Variants in SNX32 observed in about 807,000 individuals in gnomAD.
SNX32 encodes sorting nexin 32, also known as sorting nexin-32.
A neutral mutation model predicts 57.0 loss-of-function variants in SNX32; 58 were observed. The ratio of observed to expected loss-of-function variants is 1.02; its 90% CI spans 0.82 to 1.27. SNX32 has a LOEUF of 1.27. Among genes scored for constraint, SNX32 ranks in the 50% most tolerant of loss-of-function variants. The probability of loss-of-function intolerance (pLI) is 0.00; values close to 1 mark genes in which losing one functional copy is unlikely to be tolerated. For missense variants in SNX32, 589 were observed against 541.2 expected, an observed-to-expected ratio of 1.09 and a Z score of -0.88; for synonymous variants, 262 against 220.4, an observed-to-expected ratio of 1.19 and a Z score of -1.67.
chr11:65,853,265 CTG>C lies in SNX32; in HGVS notation c.1159-15_1159-14del. 1.9e-6 allele frequency: 3 copies of C among 1,614,036 alleles called. No homozygotes were observed. The highest frequency in any genetic ancestry group is 1.1e-5 in the South Asian group (1 of 91,088). On this transcript the variant is annotated splice_polypyrimidine_tract_variant and intron_variant, in intron 12 of 12. Coordinates refer to ENST00000308342, the MANE Select transcript of SNX32 (RefSeq NM_152760.3). ...TCAGGGAGCAGGGGACTTCAAGGAC[CTG>C]TTTCTCCTCTGCAGGCCAGCACCCT...
rs747669334 is a variant in SNX32 at position 65,849,974 on chromosome 11, G to T, written c.196G>T (p.Glu66Ter). Reference protein sequence around the residue: ...TEFSVVRQHEEFIWLHDAYVE... With the variant: ...TEFSVVRQHE The stretch of plus-strand genomic sequence containing the variant: ...GTTCTCAGTCGTGCGGCAGCACGAG[G>T]AGTTCATCTGGCTGCATGATGCCTA... The change falls in exon 3 of 13, where the codon GAG becomes TAG. Residue 66 changes from glutamate (E) to a stop codon, truncating the protein, a stop_gained. Coordinates refer to ENST00000308342, the MANE Select transcript of SNX32 (RefSeq NM_152760.3). LOFTEE classifies it high-confidence loss of function. The T allele has an allele frequency of 3.1e-6, 5 of 1,609,198 alleles. No homozygotes were observed. Among genetic ancestry groups the T allele is most frequent in the South Asian group, 1.1e-5 (1 of 90,816 alleles).
Position 65,834,028 on chromosome 11 carries a change from A to G in SNX32, c.-38A>G. 1 of 1,548,160 alleles carries G rather than the reference A, an allele frequency of 6.5e-7. No individual in the cohort carries two copies. The highest frequency in any genetic ancestry group is 8.7e-7 in the Non-Finnish European group (1 of 1,145,228). On this transcript the variant is annotated 5_prime_UTR_variant, in exon 1 of 13. Coordinates refer to ENST00000308342, the MANE Select transcript of SNX32 (RefSeq NM_152760.3). The stretch of plus-strand genomic sequence containing the variant: ...AGTTACGGGGACGACCTGCGGGAGC[A>G]CGCGGGCAGTGGCCGGACGCTGAAG...
Position 65,852,730 on chromosome 11 carries a change from A to G in SNX32, c.1013A>G (p.Glu338Gly). Residue 338 changes from glutamate (E) to glycine (G), a missense_variant, in exon 11 of 13, where the codon GAG becomes GGG. Physicochemically the swap from Glu to Gly is moderately conservative, Grantham distance 98. Transcript: ENST00000308342. ...RTRNREVRPA[E>G]SHQQLCCQRF... ...AGGAACCGGGAGGTGCGGCCCGCCG[A>G]GAGCCACCAGCAGCTGTGCTGCCAA... 1.2e-6 allele frequency: 2 copies of G among 1,605,910 alleles called. No individual in the cohort carries two copies. The highest frequency in any genetic ancestry group is 1.7e-6 in the Non-Finnish European group (2 of 1,178,552).
chr11:65,852,523 A>G lies in SNX32; in HGVS notation c.884A>G (p.Tyr295Cys). Residue 295 changes from tyrosine to cysteine, a missense_variant, in exon 10 of 13, where the codon TAC becomes TGC. Coordinates refer to ENST00000308342, the MANE Select transcript of SNX32 (RefSeq NM_152760.3). ...EDLKLSDMLR[Y>C]YMRDSQAAKD... ...CTGAAGCTGTCAGACATGCTGAGGT[A>G]CTACATGCGTGACTCACAGGCAGCC... The G allele has an allele frequency of 6.2e-7, 1 of 1,614,210 alleles. No homozygotes were observed. The highest frequency in any genetic ancestry group is 8.5e-7 in the Non-Finnish European group (1 of 1,180,030).
chr11:65,839,884 C>A (rs1004771108), intron 1 of SNX32, among the ~76,000 whole-genome samples: 2 of 151,972 alleles, frequency 1.3e-5, no homozygotes, highest in Admixed American at 6.6e-5. Flanking sequence ...AAAGGCCGGG[C>A]GCGGTGGCTC....
chr11:65,851,235 G>C lies in SNX32; in HGVS notation c.709+75G>C. 5.6e-6 allele frequency: 9 copies of C among 1,600,440 alleles called. No homozygotes were observed. The Admixed American group carries it at 6.7e-5, about 12-fold the overall frequency. ...GTTCAACTCCTTGGGGGAGAGAAGA[G>C]AGCAGGGCGTGCCTTGTTGTTTGTC... On this transcript the variant is annotated intron_variant, in intron 7 of 12. Coordinates refer to ENST00000308342, the MANE Select transcript of SNX32 (RefSeq NM_152760.3).
At chr11:65,836,746 C>T (rs756885600) in intron 1 of SNX32, among the ~76,000 whole-genome samples, 49 of 152,104 alleles carry the variant, frequency 3.2e-4, no homozygotes, top group Non-Finnish European at 5.4e-4. Context: ...CATGTCCTTT[C>T]CAGGGACCTG....
At position 65,851,223 on chromosome 11, in the gene SNX32, G is replaced by T. The variant is rs552328279; in HGVS notation, c.709+63G>T. ...CTCTCCCCAGCGGTTCAACTCCTTG[G>T]GGGAGAGAAGAGAGCAGGGCGTGCC... On this transcript the variant is annotated intron_variant, in intron 7 of 12. Transcript: ENST00000308342. The T allele has an allele frequency of 2.8e-5, 45 of 1,600,090 alleles. No homozygotes were observed. The Admixed American group carries it at 3.3e-4, about 12-fold the overall frequency.
At chr11:65,847,923 G>GTGA (rs1338126767) in intron 1 of SNX32, among the ~76,000 whole-genome samples, 1 of 149,764 alleles carries the variant, frequency 6.7e-6, no homozygotes, top group Non-Finnish European at 1.5e-5. Flanking sequence ...AAAAAAAAAA[G>GTGA]TGAGAAACAA....
chr11:65,842,062 A>C (rs140517912), intron 1 of SNX32, among the ~76,000 whole-genome samples: 46 of 152,344 alleles, frequency 3.0e-4, no homozygotes, highest in African/African-American at 1.0e-3. Context: ...TATAATAGCC[A>C]AAATTATTTT....
chr11:65,836,680 GAGAAAA>G (rs1426275755), intron 1 of SNX32, among the ~76,000 whole-genome samples: 1 of 152,140 alleles, frequency 6.6e-6, no homozygotes, highest in Non-Finnish European at 1.5e-5. Context: ...AGACTGGATA[GAGAAAA>G]TGTGGCACAT....
chr11:65,845,021 G>A (rs143713256), intron 1 of SNX32, among the ~76,000 whole-genome samples: 13 of 148,848 alleles, frequency 8.7e-5, no homozygotes, highest in Admixed American at 2.7e-4. Flanking sequence ...ATGGAAGCCA[G>A]ACATGGTGCT....
intron 9 of SNX32, among the ~76,000 whole-genome samples, chr11:65,852,199 C>G (rs1591040907): frequency 6.6e-6 from 1 of 152,118 alleles, no homozygotes; most frequent in Non-Finnish European, 1.5e-5. Context: ...CCTCCCTGAA[C>G]TAAAGTTTCC....
chr11:65,850,434 G>A lies in SNX32; in HGVS notation c.378G>A (p.Glu126=), dbSNP rs1859140245. ...TGAGCTGCTGCCACTCTCGCAGGGA[G>A]TACCTGGCCATCTTTAAGAAGACAG... The part of the protein sequence containing the change: ...FAKMKQELEA[E]YLAIFKKTVA... The change falls in exon 5 of 13, where the codon GAG becomes GAA. Residue 126 remains glutamate, a synonymous_variant. Coordinates refer to ENST00000308342, the MANE Select transcript of SNX32 (RefSeq NM_152760.3). 1.2e-6 allele frequency: 2 copies of A among 1,614,206 alleles called. No individual in the cohort carries two copies. Among genetic ancestry groups the A allele is most frequent in the South Asian group, 1.1e-5 (1 of 91,088 alleles).
At chr11:65,835,189 C>T (rs1466858468) in intron 1 of SNX32, among the ~76,000 whole-genome samples, 1 of 152,004 alleles carries the variant, frequency 6.6e-6, no homozygotes, top group Non-Finnish European at 1.5e-5. Flanking sequence ...AGTGGGGAGC[C>T]TCTGTGGCAC....
chr11:65,835,077 G>T (rs778303865), intron 1 of SNX32, among the ~76,000 whole-genome samples: 3 of 150,662 alleles, frequency 2.0e-5, no homozygotes, highest in Non-Finnish European at 4.4e-5. Flanking sequence ...GTGTGCGTGT[G>T]TCTGTGTTTG....
chr11:65,845,263 C>T (rs1367982494), intron 1 of SNX32, among the ~76,000 whole-genome samples: 2 of 150,784 alleles, frequency 1.3e-5, no homozygotes. Context: ...CACAGTGAAA[C>T]CCCGTCTCTA....
intron 1 of SNX32, among the ~76,000 whole-genome samples, chr11:65,840,648 A>G (rs1463494273): frequency 6.6e-6 from 1 of 151,954 alleles, no homozygotes; most frequent in East Asian, 1.9e-4. Context: ...ACAAAAAAAT[A>G]CAAAAATTAG....
chr11:65,834,027 C>A lies in SNX32; in HGVS notation c.-39C>A. 1 of 1,547,510 alleles carries A rather than the reference C, an allele frequency of 6.5e-7. No individual in the cohort carries two copies. Among genetic ancestry groups the A allele is most frequent in the South Asian group, 1.2e-5 (1 of 83,604 alleles). The stretch of plus-strand genomic sequence containing the variant: ...GAGTTACGGGGACGACCTGCGGGAG[C>A]ACGCGGGCAGTGGCCGGACGCTGAA... On this transcript the variant is annotated 5_prime_UTR_variant, in exon 1 of 13. Coordinates refer to ENST00000308342, the MANE Select transcript of SNX32 (RefSeq NM_152760.3).
Sources: allele counts gnomAD v4.1 joint callset (sites outside exome capture counted in the v4.1 genomes callset), GRCh38; gene constraint gnomAD v4.1.1; transcripts MANE v1.5; gene names NCBI Gene and HGNC (gene_info 2026-07-23, HGNC 2026-07-21).